HS3ST5: variants seen among roughly 807,000 people sequenced by gnomAD.
HS3ST5 encodes heparan sulfate glucosamine 3-O-sulfotransferase 5.
A neutral mutation model predicts 25.4 loss-of-function variants in HS3ST5; 10 were observed. That is an observed-to-expected ratio of 0.39 (90% CI 0.24 to 0.67). HS3ST5 has a LOEUF of 0.67. HS3ST5 is among the 30% of genes least tolerant of loss of function. The probability of loss-of-function intolerance (pLI) is 0.44; values close to 1 mark genes in which losing one functional copy is unlikely to be tolerated. For synonymous variants in HS3ST5, 170 were observed against 162.4 expected (o/e 1.05, Z -0.36); for missense variants, 324 against 420.7 (o/e 0.77, Z 2.01).
chr6:114,205,376 C>T (rs1236335654), intron 2 of HS3ST5, among the ~76,000 whole-genome samples: 2 of 152,106 alleles, frequency 1.3e-5, no homozygotes, highest in African/African-American at 2.4e-5. Context: ...ACTCAGGAGA[C>T]ACCAAATGGA....
intron 1 of HS3ST5, among the ~76,000 whole-genome samples, chr6:114,244,998 C>A (rs1025989683): frequency 1.3e-5 from 2 of 152,200 alleles, no homozygotes; most frequent in Non-Finnish European, 2.9e-5. Context: ...TACATTGTTA[C>A]TGTATGGAAA....
intron 1 of HS3ST5, among the ~76,000 whole-genome samples, chr6:114,289,969 A>G (rs2114770522): frequency 6.6e-6 from 1 of 152,016 alleles, no homozygotes; most frequent in Admixed American, 6.5e-5. Context: ...TTCTTTTATA[A>G]TAATGATTAC....
chr6:114,305,622 A>G (rs1245913675), intron 1 of HS3ST5, among the ~76,000 whole-genome samples: 4 of 152,152 alleles, frequency 2.6e-5, no homozygotes, highest in African/African-American at 9.6e-5. Flanking sequence ...ACCATGCTCA[A>G]AAGTTGAGAT....
chr6:114,062,762 G>A lies in HS3ST5; in HGVS notation c.84C>T (p.Val28=), dbSNP rs753747446. Residue 28 remains valine, a synonymous_variant, in exon 4 of 5, where the codon GTC becomes GTT. Transcript: ENST00000312719. ...ACCTATCCAAGCTCCCAACTCTGGCGACTAGATACAGGAGACTCCCAACGG... is the reference window on the plus strand; with the variant it reads ...ACCTATCCAAGCTCCCAACTCTGGCAACTAGATACAGGAGACTCCCAACGG... ...SLAVGSLLYL[V]ARVGSLDRLQ... The A allele has an allele frequency of 5.6e-6, 9 of 1,613,544 alleles. No homozygotes were observed. The African/African-American group carries it at 8.0e-5, about 14-fold the overall frequency.
chr6:114,288,836 C>A (rs982602621), intron 1 of HS3ST5, among the ~76,000 whole-genome samples: 1 of 152,028 alleles, frequency 6.6e-6, no homozygotes, highest in Non-Finnish European at 1.5e-5. Context: ...GTTATGAGGA[C>A]CATTGCCTCA....
intron 4 of HS3ST5, chr6:114,059,371 T>TC (rs1481603205): frequency 6.6e-6 from 1 of 152,208 alleles, no homozygotes; most frequent in East Asian, 1.9e-4. Flanking sequence ...AATCTGTGTC[T>TC]CCCCCTCTGT....
At chr6:114,183,213 C>T (rs957290565) in intron 2 of HS3ST5, among the ~76,000 whole-genome samples, 8 of 152,106 alleles carry the variant, frequency 5.3e-5, no homozygotes, top group Non-Finnish European at 1.0e-4. Context: ...ATAATTCTCT[C>T]GAGTTGTGAA....
At chr6:114,314,095 T>C (rs570008902) in intron 1 of HS3ST5, among the ~76,000 whole-genome samples, 17 of 152,238 alleles carry the variant, frequency 1.1e-4, no homozygotes, top group African/African-American at 4.1e-4. Flanking sequence ...CTGGCTAATA[T>C]TTTGTATTTC....
intron 3 of HS3ST5, among the ~76,000 whole-genome samples, chr6:114,146,843 G>T (rs1204083254): frequency 6.6e-6 from 1 of 152,168 alleles, no homozygotes; most frequent in Non-Finnish European, 1.5e-5. Flanking sequence ...CCTCTGCCAT[G>T]AGTAACAGCT....
At chr6:114,093,806 ATGATT>A (rs1387440989) in intron 3 of HS3ST5, among the ~76,000 whole-genome samples, 2 of 152,150 alleles carry the variant, frequency 1.3e-5, no homozygotes, top group Non-Finnish European at 1.5e-5. Context: ...AAGAGAAAAT[ATGATT>A]TGTGTTAAGA....
chr6:114,238,240 G>A (rs1023832657), intron 1 of HS3ST5, among the ~76,000 whole-genome samples: 7 of 152,114 alleles, frequency 4.6e-5, no homozygotes, highest in Non-Finnish European at 1.0e-4. Flanking sequence ...AGCTTTCCTA[G>A]GAAACAGTTG....
chr6:114,262,815 CTT>C (rs909463248), intron 1 of HS3ST5, among the ~76,000 whole-genome samples: 10 of 152,198 alleles, frequency 6.6e-5, no homozygotes, highest in African/African-American at 2.2e-4. Flanking sequence ...TCAGAAATCT[CTT>C]TGTTGAATGA....
intron 1 of HS3ST5, among the ~76,000 whole-genome samples, chr6:114,288,802 G>A (rs139869147): frequency 2.0e-5 from 3 of 152,100 alleles, no homozygotes; most frequent in African/African-American, 7.2e-5. Context: ...CCTAAGAATC[G>A]AATAAAAGTA....
intron 1 of HS3ST5, among the ~76,000 whole-genome samples, chr6:114,312,638 G>T (rs1174220838): frequency 6.6e-6 from 1 of 151,036 alleles, no homozygotes; most frequent in Non-Finnish European, 1.5e-5. Context: ...AATGACAAAA[G>T]ACCTATATCC....
chr6:114,175,482 AC>A (rs1368306163), intron 2 of HS3ST5, among the ~76,000 whole-genome samples: 5 of 152,176 alleles, frequency 3.3e-5, no homozygotes, highest in Non-Finnish European at 7.3e-5. Context: ...GCATTAGCTG[AC>A]CTCCTCAGAC....
chr6:114,115,554 C>T (rs1182891830), intron 3 of HS3ST5, among the ~76,000 whole-genome samples: 2 of 151,664 alleles, frequency 1.3e-5, no homozygotes, highest in African/African-American at 4.8e-5. Flanking sequence ...AGATTGAATC[C>T]CACTGGCCCG....
chr6:114,058,152 C>T lies in HS3ST5; in HGVS notation c.146G>A (p.Gly49Glu). Residue 49 changes from glycine (G) to glutamate (E), a missense_variant, in exon 5 of 5, where the codon GGA (glycine) becomes GAA (glutamate). This residue lies in a region of HS3ST5 where 121 missense variants were observed against 117.3 expected (regional missense o/e 1.03). Transcript: ENST00000312719. Reference protein sequence around the residue: ...PICPIEGRLGGARTQAEFPLR... With the variant: ...PICPIEGRLGEARTQAEFPLR... ...TGGGAATTCAGCCTGAGTGCGGGCTCCACCCAGTCGACCTTCAATGGGGCA... is the reference window on the plus strand; with the variant it reads ...TGGGAATTCAGCCTGAGTGCGGGCTTCACCCAGTCGACCTTCAATGGGGCA... 6.2e-7 allele frequency: 1 copy of T among 1,610,626 alleles called. No homozygotes were observed. Among genetic ancestry groups the T allele is most frequent in the Non-Finnish European group, 8.5e-7 (1 of 1,177,276 alleles).
chr6:114,242,316 T>C (rs113145360), intron 1 of HS3ST5, among the ~76,000 whole-genome samples: 2,785 of 152,310 alleles, frequency 0.018, 107 homozygotes, highest in African/African-American at 0.063. Context: ...CTTTTCTAAA[T>C]GTGGCTATTA....
At chr6:114,186,033 T>A (rs1052092607) in intron 2 of HS3ST5, among the ~76,000 whole-genome samples, 2 of 152,104 alleles carry the variant, frequency 1.3e-5, no homozygotes, top group African/African-American at 4.8e-5. Context: ...ACTTAATCAA[T>A]AAATGTTGGG....
Sources: gnomAD v4.1 joint callset for allele counts (sites outside exome capture counted in the v4.1 genomes callset) on GRCh38, gnomAD v4.1.1 for gene constraint, gnomAD v4.1.1 regional missense constraint, MANE v1.5 for transcripts, NCBI Gene and HGNC (gene_info 2026-07-23, HGNC 2026-07-21) for gene names.